Variants in VPS13B observed in about 807,000 individuals in gnomAD.
VPS13B encodes intermembrane lipid transfer protein VPS13B.
Under a neutral mutation model 426.4 loss-of-function variants are expected in VPS13B, and 285 were observed. That is an observed-to-expected ratio of 0.67 (90% CI 0.61 to 0.74). The LOEUF is 0.74. Ranked by LOEUF, VPS13B falls within the 30% of genes least tolerant of loss-of-function variation. The probability of loss-of-function intolerance (pLI) is 0.00; values close to 1 mark genes in which losing one functional copy is unlikely to be tolerated. For missense variants in VPS13B, 4,537 were observed against 4,782.6 expected, an observed-to-expected ratio of 0.95 and a Z score of 1.51; for synonymous variants, 1,676 against 1,676.4, an observed-to-expected ratio of 1.00 and a Z score of 0.01.
Position 99,166,744 on chromosome 8 carries a change from C to T in VPS13B, c.2209-3295C>T, listed in dbSNP as rs117109879. Among the ~76,000 whole-genome samples, 55 of 152,104 alleles carry T rather than the reference C, an allele frequency of 3.6e-4. No individual in the cohort carries two copies. The East Asian group carries it at 0.01, about 29-fold the overall frequency. ...AAATTCATATGGACTCTCAAGGGACCCCAAATAACCAAAAAGATCTTGAAA... is the reference window on the plus strand; with the variant it reads ...AAATTCATATGGACTCTCAAGGGACTCCAAATAACCAAAAAGATCTTGAAA... On this transcript the variant is annotated intron_variant, in intron 15 of 61. Coordinates refer to ENST00000357162, the MANE Select transcript of VPS13B (RefSeq NM_152564.5).
In VPS13B at chr8:99,641,828, GA is replaced by G; in HGVS notation, c.5244del (p.Val1749TrpfsTer32). ...TCTTACAGATCTCTAAACAAGAACAGAAAAAAGTGGATATATTTGATGGAGG... is the reference window on the plus strand; with the variant it reads ...TCTTACAGATCTCTAAACAAGAACAGAAAAAGTGGATATATTTGATGGAGG... ...KAAEISKQEQKKVDIFDGGMA... is the reference protein window; with the variant it reads ...KAAEISKQEQXKVDIFDGGMA... On this transcript the variant is annotated frameshift_variant, in exon 34 of 62. Transcript: ENST00000357162. LOFTEE classifies it high-confidence loss of function. 6.2e-7 allele frequency: 1 copy of G among 1,611,054 alleles called. No individual in the cohort carries two copies. Among genetic ancestry groups the G allele is most frequent in the Non-Finnish European group, 8.5e-7 (1 of 1,177,862 alleles).
intron 51 of VPS13B, among the ~76,000 whole-genome samples, chr8:99,829,708 C>A (rs1814934784): frequency 6.6e-6 from 1 of 152,182 alleles, no homozygotes; most frequent in Non-Finnish European, 1.5e-5. Flanking sequence ...CCTTTTTGTG[C>A]TGGTTTTTCC....
chr8:99,561,783 T>G (rs1187317953), intron 31 of VPS13B, among the ~76,000 whole-genome samples: 1 of 152,226 alleles, frequency 6.6e-6, no homozygotes, highest in Non-Finnish European at 1.5e-5. Context: ...CATTATGAGT[T>G]GAGGATCATC....
chr8:99,395,826 A>G (rs1212561298), intron 21 of VPS13B, among the ~76,000 whole-genome samples: 2 of 152,244 alleles, frequency 1.3e-5, no homozygotes, highest in African/African-American at 4.8e-5. Flanking sequence ...AAATACCTAT[A>G]TGTTAAAACA....
intron 39 of VPS13B, among the ~76,000 whole-genome samples, chr8:99,744,701 T>G (rs1266937568): frequency 4.6e-5 from 7 of 151,920 alleles, no homozygotes; most frequent in Non-Finnish European, 1.0e-4. Context: ...ACCATCATTC[T>G]CAGCAAACTG....
chr8:99,379,631 A>G (rs1447363428), intron 19 of VPS13B, among the ~76,000 whole-genome samples: 1 of 152,148 alleles, frequency 6.6e-6, no homozygotes, highest in Non-Finnish European at 1.5e-5. Context: ...TTGATTGATT[A>G]CATTGTTTAT....
chr8:99,539,127 AATG>A (rs1823415638), intron 30 of VPS13B, among the ~76,000 whole-genome samples: 1 of 152,166 alleles, frequency 6.6e-6, no homozygotes, highest in Non-Finnish European at 1.5e-5. Context: ...TTAAGATCTA[AATG>A]ATGATGATTA....
intron 22 of VPS13B, among the ~76,000 whole-genome samples, chr8:99,436,994 C>T (rs1817415191): frequency 6.6e-6 from 1 of 152,080 alleles, no homozygotes; most frequent in African/African-American, 2.4e-5. Flanking sequence ...CCGCCTCGGC[C>T]TCCTAAAGTG....
chr8:99,151,771 G>A (rs1010669480), intron 14 of VPS13B, among the ~76,000 whole-genome samples: 7 of 152,134 alleles, frequency 4.6e-5, no homozygotes, highest in Non-Finnish European at 1.0e-4. Context: ...GACCTCAGGT[G>A]ATCTGCCCAC....
chr8:99,172,668 T>G (rs1264960039), intron 16 of VPS13B, among the ~76,000 whole-genome samples: 2 of 152,194 alleles, frequency 1.3e-5, no homozygotes, highest in African/African-American at 2.4e-5. Flanking sequence ...TGCCTATAGT[T>G]AAAGTAAATT....
intron 24 of VPS13B, among the ~76,000 whole-genome samples, chr8:99,475,625 T>C (rs993717692): frequency 6.6e-6 from 1 of 152,234 alleles, no homozygotes; most frequent in Non-Finnish European, 1.5e-5. Flanking sequence ...GCTATCCACA[T>C]TGTTTGGAGC....
intron 17 of VPS13B, among the ~76,000 whole-genome samples, chr8:99,238,524 G>T (rs1322006966): frequency 1.3e-5 from 2 of 152,084 alleles, no homozygotes; most frequent in African/African-American, 2.4e-5. Context: ...ATAAATTTTG[G>T]TAAGAACTTT....
intron 12 of VPS13B, among the ~76,000 whole-genome samples, chr8:99,142,237 A>G (rs1418311106): frequency 1.3e-5 from 2 of 152,190 alleles, no homozygotes; most frequent in Non-Finnish European, 2.9e-5. Flanking sequence ...AGGTTATTAA[A>G]TCCTGGAAAA....
chr8:99,038,130 T>C (rs1178256388), intron 2 of VPS13B, among the ~76,000 whole-genome samples: 1 of 152,148 alleles, frequency 6.6e-6, no homozygotes, highest in Non-Finnish European at 1.5e-5. Context: ...AAGGAACTTA[T>C]TAAATGTAAC....
intron 54 of VPS13B, among the ~76,000 whole-genome samples, chr8:99,846,830 TAGAGA>T (rs772986502): frequency 3.9e-5 from 6 of 152,210 alleles, no homozygotes; most frequent in Admixed American, 3.3e-4. Flanking sequence ...GAAAATCACT[TAGAGA>T]AGAGAACAGT....
intron 34 of VPS13B, among the ~76,000 whole-genome samples, chr8:99,644,271 A>C (rs1243413034): frequency 6.6e-6 from 1 of 152,198 alleles, no homozygotes; most frequent in Non-Finnish European, 1.5e-5. Context: ...GTAATAGAAA[A>C]GAACTGCCAA....
At chr8:99,825,009 G>T (rs1215215618) in intron 51 of VPS13B, among the ~76,000 whole-genome samples, 1 of 152,136 alleles carries the variant, frequency 6.6e-6, no homozygotes, top group Non-Finnish European at 1.5e-5. Flanking sequence ...CCAAGTCTTT[G>T]CTATTGTAAA....
At chr8:99,666,439 A>G (rs1456904381) in intron 35 of VPS13B, among the ~76,000 whole-genome samples, 1 of 152,200 alleles carries the variant, frequency 6.6e-6, no homozygotes, top group Non-Finnish European at 1.5e-5. Flanking sequence ...ATCCAGCAGC[A>G]CATCAAAAAG....
chr8:99,683,142 C>T (rs1441709180), intron 35 of VPS13B, among the ~76,000 whole-genome samples: 1 of 152,116 alleles, frequency 6.6e-6, no homozygotes, highest in Non-Finnish European at 1.5e-5. Flanking sequence ...TGTCTTTGCA[C>T]CTATTTTAAA....
Sources: gnomAD v4.1 joint callset for allele counts (sites outside exome capture counted in the v4.1 genomes callset) on GRCh38, gnomAD v4.1.1 for gene constraint, MANE v1.5 for transcripts, NCBI Gene and HGNC (gene_info 2026-07-23, HGNC 2026-07-21) for gene names.